AKAP10: variants seen among roughly 807,000 people sequenced by gnomAD.
The protein encoded by AKAP10 is A-kinase anchor protein 10, mitochondrial.
In AKAP10, 24 loss-of-function variants were observed where a neutral mutation model predicts 80.8. The ratio of observed to expected loss-of-function variants is 0.30; its 90% CI spans 0.22 to 0.42. AKAP10 has a LOEUF of 0.42. Ranked by LOEUF, AKAP10 falls within the 10% of genes least tolerant of loss-of-function variation. AKAP10 has a pLI of 1.00. For missense variants in AKAP10, 661 were observed against 794.9 expected (o/e 0.83, Z 2.03); for synonymous variants, 291 against 277.7 (o/e 1.05, Z -0.48).
chr17:19,927,845 G>A (rs1042598644), intron 10 of AKAP10, among the ~76,000 whole-genome samples: 1 of 152,088 alleles, frequency 6.6e-6, no homozygotes. Context: ...AGGAGGCAGA[G>A]GTTGCAGTGA....
intron 5 of AKAP10, among the ~76,000 whole-genome samples, chr17:19,944,695 T>C (rs1451618688): frequency 6.6e-6 from 1 of 152,140 alleles, no homozygotes; most frequent in Non-Finnish European, 1.5e-5. Flanking sequence ...TCATGCTTTA[T>C]TCCTTTTTTT....
At chr17:19,932,219 G>A (rs1418797711) in intron 9 of AKAP10, among the ~76,000 whole-genome samples, 1 of 151,970 alleles carries the variant, frequency 6.6e-6, no homozygotes, top group Non-Finnish European at 1.5e-5. Flanking sequence ...AGGAGGCCGA[G>A]GCAGACGGAT....
intron 5 of AKAP10, among the ~76,000 whole-genome samples, chr17:19,946,267 ATATATATATTTTTT>A (rs1567765960): frequency 3.7e-5 from 1 of 27,064 alleles, no homozygotes; most frequent in African/African-American, 1.7e-4. Context: ...ATATATATAT[ATATATATATTTTTT>A]TTTTTTTTTT....
Position 19,969,538 on chromosome 17 carries a change from GT to G in AKAP10, c.89-1078del, listed in dbSNP as rs200746620. ...AGACTATTTTTAACCCTCTTTTCTTGTTTTTTTTTTTCAACATTAAAAAATC... is the reference window on the plus strand; with the variant it reads ...AGACTATTTTTAACCCTCTTTTCTTGTTTTTTTTTTCAACATTAAAAAATC... On this transcript the variant is annotated intron_variant, in intron 1 of 14. Transcript: ENST00000225737. Among the ~76,000 whole-genome samples the G allele has an allele frequency of 3.2e-3, 457 of 143,248 alleles. 16 individuals are homozygous for G. The East Asian group carries it at 0.076, about 24-fold the overall frequency. 94.0% of individuals were successfully genotyped at this position (143,248 alleles called of 152,430 possible). A position where few individuals can be genotyped will look rare whatever the true frequency, so the allele number is the denominator to read the frequency against.
intron 14 of AKAP10, among the ~76,000 whole-genome samples, chr17:19,908,914 C>G (rs1379610266): frequency 2.0e-5 from 3 of 152,240 alleles, no homozygotes; most frequent in Non-Finnish European, 4.4e-5. Context: ...AGCCACTGCA[C>G]CTGGCCTGAA....
At chr17:19,925,582 A>G (rs1195527985) in intron 10 of AKAP10, among the ~76,000 whole-genome samples, 9 of 152,228 alleles carry the variant, frequency 5.9e-5, no homozygotes, top group Non-Finnish European at 2.9e-5. Flanking sequence ...AAAATGACTT[A>G]TATACAAGAT....
chr17:19,909,260 G>C lies in AKAP10; in HGVS notation c.1904C>G (p.Ala635Gly). Residue 635 changes from alanine to glycine, a missense_variant, in exon 14 of 15, where the codon GCT (alanine) becomes GGT (glycine). Coordinates refer to ENST00000225737, the MANE Select transcript of AKAP10 (RefSeq NM_007202.4). ...GACTATCATTTTAGCAATCTTCCAA[G>C]CTAGCTCTTCCTGGGCCTAAAGAAA... ...GNTDEAQEEL[A>G]WKIAKMIVSD... 1 of 1,613,182 alleles carries C rather than the reference G, an allele frequency of 6.2e-7. No individual in the cohort carries two copies. The highest frequency in any genetic ancestry group is 8.5e-7 in the Non-Finnish European group (1 of 1,179,808).
intron 9 of AKAP10, among the ~76,000 whole-genome samples, chr17:19,935,272 T>C (rs1039694485): frequency 6.6e-6 from 1 of 152,066 alleles, no homozygotes; most frequent in South Asian, 2.1e-4. Flanking sequence ...AAATACAGTA[T>C]AAAAGATAAA....
chr17:19,940,825 C>A, intron 7 of AKAP10, 62 bp downstream of exon 7: 1 of 1,506,462 alleles, frequency 6.6e-7, no homozygotes, highest in East Asian at 2.3e-5. Context: ...GACAGGGCCC[C>A]AGCATTGATA....
chr17:19,910,337 A>C (rs1401998257), intron 12 of AKAP10, among the ~76,000 whole-genome samples: 2 of 151,632 alleles, frequency 1.3e-5, no homozygotes, highest in East Asian at 3.9e-4. Flanking sequence ...AAAAAAAAAA[A>C]AAAAACCACT....
chr17:19,939,434 CTTCT>C (rs1567761681), intron 8 of AKAP10, among the ~76,000 whole-genome samples: 5 of 152,126 alleles, frequency 3.3e-5, no homozygotes, highest in Non-Finnish European at 4.4e-5. Flanking sequence ...GCAAAATTCC[CTTCT>C]TTCTTTGGGA....
chr17:19,906,891 G>A (rs1419293685), intron 14 of AKAP10, among the ~76,000 whole-genome samples: 1 of 152,124 alleles, frequency 6.6e-6, no homozygotes, highest in Non-Finnish European at 1.5e-5. Flanking sequence ...TTTCTTTTGG[G>A]GTTTTGGTGT....
chr17:19,959,508 A>T (rs1025859620), intron 3 of AKAP10, among the ~76,000 whole-genome samples: 1 of 152,224 alleles, frequency 6.6e-6, no homozygotes, highest in Non-Finnish European at 1.5e-5. Flanking sequence ...ATCTACAAAG[A>T]TGTTATGAAC....
At chr17:19,922,151 G>T (rs945870752) in intron 11 of AKAP10, among the ~76,000 whole-genome samples, 13 of 152,162 alleles carry the variant, frequency 8.5e-5, no homozygotes, top group African/African-American at 3.1e-4. Flanking sequence ...GCTCATGTGT[G>T]TAATCCCAGC....
At position 19,977,709 on chromosome 17, in the gene AKAP10, G is replaced by A. The variant is rs1368989294; in HGVS notation, c.-30C>T. ...CAACCGGCCCGGACTTCCGGGTCCA[G>A]AGGGGCCGCTGCACTAGCGCGAAAA... is the stretch of plus-strand genomic sequence containing the variant. On this transcript the variant is annotated 5_prime_UTR_variant, in exon 1 of 15. Coordinates refer to ENST00000225737, the MANE Select transcript of AKAP10 (RefSeq NM_007202.4). 8.2e-7 allele frequency: 1 copy of A among 1,214,836 alleles called. No homozygotes were observed. Among genetic ancestry groups the A allele is most frequent in the Non-Finnish European group, 1.0e-6 (1 of 969,036 alleles). The allele number at this position is 1,214,836 out of a possible 1,614,324, so 75.3% of individuals were successfully genotyped here. A position where few individuals can be genotyped will look rare whatever the true frequency, so the allele number is the denominator to read the frequency against.
chr17:19,954,696 C>T (rs1198659978), intron 4 of AKAP10, among the ~76,000 whole-genome samples: 2 of 150,602 alleles, frequency 1.3e-5, no homozygotes, highest in Non-Finnish European at 1.5e-5. Flanking sequence ...GGTTTCACCG[C>T]ATTAGCCAGG....
chr17:19,909,210 A>G lies in AKAP10; in HGVS notation c.1954T>C (p.Tyr652His), dbSNP rs752426090. ...GTAGATTTCTCTAACGGTTGATCAT[A>G]CTGAGCCTGCTGCATAATGTCACTG... is the stretch of plus-strand genomic sequence containing the variant. ...IVSDIMQQAQYDQPLEKSTKL is the reference protein window; with the variant it reads ...IVSDIMQQAQHDQPLEKSTKL The change falls in exon 14 of 15, where the codon TAT (tyrosine) becomes CAT (histidine). Residue 652 changes from tyrosine (Y) to histidine (H), a missense_variant. Tyr to His is a moderately conservative substitution (Grantham distance 83). Coordinates refer to ENST00000225737, the MANE Select transcript of AKAP10 (RefSeq NM_007202.4). The G allele has an allele frequency of 1.2e-6, 2 of 1,613,620 alleles. No individual in the cohort carries two copies. Among genetic ancestry groups the G allele is most frequent in the African/African-American group, 2.7e-5 (2 of 74,900 alleles).
At position 19,904,911 on chromosome 17, in the gene AKAP10, G is replaced by A. The variant is rs1190194420; in HGVS notation, c.*1316C>T. 1.3e-5 allele frequency: 2 copies of A among 151,722 alleles called. No homozygotes were observed. The highest frequency in any genetic ancestry group is 2.9e-5 in the Non-Finnish European group (2 of 67,962). The allele number at this position is 151,722 out of a possible 1,614,324, so 9.4% of individuals were successfully genotyped here. On this transcript the variant is annotated 3_prime_UTR_variant, in exon 15 of 15. Coordinates refer to ENST00000225737, the MANE Select transcript of AKAP10 (RefSeq NM_007202.4). ...ACAAAGCCTTTTTGCTTCTTCTGTC[G>A]ATGAAACAGTGTGCCTCTATACAAT...
chr17:19,969,195 A>C (rs966066232), intron 1 of AKAP10, among the ~76,000 whole-genome samples: 1 of 151,996 alleles, frequency 6.6e-6, no homozygotes, highest in Non-Finnish European at 1.5e-5. Context: ...AATACAAAAC[A>C]ATGAGCTGGG....
Sources: allele counts gnomAD v4.1 joint callset (sites outside exome capture counted in the v4.1 genomes callset), GRCh38; gene constraint gnomAD v4.1.1; transcripts MANE v1.5; gene names NCBI Gene and HGNC (gene_info 2026-07-23, HGNC 2026-07-21).